Variants in GATA4 observed in about 807,000 individuals in gnomAD.
The protein encoded by GATA4 is GATA binding protein 4.
Under a neutral mutation model 37.9 loss-of-function variants are expected in GATA4, and 7 were observed. The ratio of observed to expected loss-of-function variants is 0.18; its 90% CI spans 0.11 to 0.35. The LOEUF (loss-of-function observed/expected upper bound fraction) is 0.35. Ranked by LOEUF, GATA4 falls within the 10% of genes least tolerant of loss-of-function variation. The pLI, the probability that GATA4 is intolerant of heterozygous loss-of-function variation, is 1.00. For missense variants in GATA4, 647 were observed against 653.0 expected, an observed-to-expected ratio of 0.99 and a Z score of 0.10; for synonymous variants, 372 against 292.6, an observed-to-expected ratio of 1.27 and a Z score of -2.77.
rs770347441 is a variant in GATA4 at position 11,708,296 on chromosome 8, G to A, written c.-17G>A. 30 of 1,573,280 alleles carry A rather than the reference G, an allele frequency of 1.9e-5. No homozygotes were observed. The highest frequency in any genetic ancestry group is 4.0e-5 in the African/African-American group (3 of 74,476). ...GAGGGAGAGAGAGGACACCGAAGCC[G>A]GGAGCTCGCAGGGACCATGTATCAG... On this transcript the variant is annotated 5_prime_UTR_variant, in exon 2 of 7. Coordinates refer to ENST00000532059, the MANE Select transcript of GATA4 (RefSeq NM_001308093.3). The surrounding 1 kb of genome is among the most constrained non-coding windows in gnomAD (Gnocchi z 6.7).
At chr8:11,726,019 T>C (rs781631615) in intron 2 of GATA4, among the ~76,000 whole-genome samples, 13 of 152,228 alleles carry the variant, frequency 8.5e-5, no homozygotes, top group Admixed American at 2.6e-4. Flanking sequence ...ATAGTTCCAC[T>C]AGCCTGGAAG....
rs1800019637 is a variant in GATA4 at position 11,708,753 on chromosome 8, G to A, written c.441G>A (p.Glu147=). 7 of 1,364,910 alleles carry A rather than the reference G, an allele frequency of 5.1e-6. No individual in the cohort carries two copies. Among genetic ancestry groups the A allele is most frequent in the Non-Finnish European group, 6.6e-6 (7 of 1,064,466 alleles). The allele number at this position is 1,364,910 out of a possible 1,614,324, so 84.5% of individuals were successfully genotyped here. ...GAAGAGLAGR[E]QYGRAGFAGS... ...CGGGTGCGGGCCTGGCGGGCCGCGAGCAGTACGGGCGCGCCGGCTTCGCGG... is the reference window on the plus strand; with the variant it reads ...CGGGTGCGGGCCTGGCGGGCCGCGAACAGTACGGGCGCGCCGGCTTCGCGG... Residue 147 remains glutamate, a synonymous_variant, in exon 2 of 7, where the codon GAG becomes GAA. Coordinates refer to ENST00000532059, the MANE Select transcript of GATA4 (RefSeq NM_001308093.3). The surrounding 1 kb of genome is among the most constrained non-coding windows in gnomAD (Gnocchi z 6.7).
At chr8:11,732,636 C>G (rs1243563497) in intron 2 of GATA4, among the ~76,000 whole-genome samples, 2 of 152,158 alleles carry the variant, frequency 1.3e-5, no homozygotes, top group Non-Finnish European at 2.9e-5. Context: ...GAACCCGAGT[C>G]TGGAGGCTAG....
intron 2 of GATA4, among the ~76,000 whole-genome samples, chr8:11,725,667 A>G (rs1290347182): frequency 2.0e-5 from 3 of 152,202 alleles, no homozygotes; most frequent in Non-Finnish European, 4.4e-5. Flanking sequence ...TGGAGGTCAG[A>G]CTTGCTGCTG....
At chr8:11,690,353 A>T (rs76805601), upstream of GATA4, among the ~76,000 whole-genome samples, 2,747 of 152,326 alleles carry the variant, frequency 0.018, 74 homozygotes, top group South Asian at 0.087. Context: ...AAACTTTTTT[A>T]AAAAATGTCT....
chr8:11,733,381 C>G (rs1480439687), intron 2 of GATA4, among the ~76,000 whole-genome samples: 1 of 152,160 alleles, frequency 6.6e-6, no homozygotes, highest in African/African-American at 2.4e-5. Context: ...GGGAACTTGC[C>G]TTATCAGAAA....
chr8:11,734,006 G>A (rs1002972529), intron 2 of GATA4, among the ~76,000 whole-genome samples: 1 of 152,206 alleles, frequency 6.6e-6, no homozygotes, highest in African/African-American at 2.4e-5. Context: ...TCCAATTGAA[G>A]CATACATATA....
At chr8:11,686,262 G>C (rs1368132821) in intron 1 of GATA4, among the ~76,000 whole-genome samples, 1 of 151,096 alleles carries the variant, frequency 6.6e-6, no homozygotes, top group Non-Finnish European at 1.5e-5. Context: ...GTCAACAGAA[G>C]ATAAAAGTAA....
At chr8:11,692,692 G>C (rs1319047874) in intron 1 of GATA4, 1 of 985,040 alleles carries the variant, frequency 1.0e-6, no homozygotes, top group Middle Eastern at 5.2e-4. Context: ...TGAGGGGTGC[G>C]GGGCTGCTCC....
At chr8:11,698,079 C>T (rs1476222503) in intron 1 of GATA4, 17 of 898,620 alleles carry the variant, frequency 1.9e-5, no homozygotes, top group Admixed American at 6.2e-5. Flanking sequence ...CAGGCCCGGC[C>T]GCTTTCTGGC....
At chr8:11,693,560 C>CAGAGAG (rs1285850308) in intron 1 of GATA4, among the ~76,000 whole-genome samples, 113 of 68,910 alleles carry the variant, frequency 1.6e-3, no homozygotes, top group African/African-American at 5.5e-3. Flanking sequence ...CACACACACA[C>CAGAGAG]ACAGAGAGAG....
At chr8:11,731,320 G>T (rs772354531) in intron 2 of GATA4, among the ~76,000 whole-genome samples, 17 of 152,254 alleles carry the variant, frequency 1.1e-4, no homozygotes, top group Non-Finnish European at 1.8e-4. Flanking sequence ...ATATCCAAAA[G>T]GTGGAAGTAG....
intron 2 of GATA4, among the ~76,000 whole-genome samples, chr8:11,733,184 T>C (rs977467249): frequency 6.6e-6 from 1 of 151,840 alleles, no homozygotes; most frequent in African/African-American, 2.4e-5. Flanking sequence ...GATCCTTGGA[T>C]TGGAAAAGTT....
chr8:11,743,176 G>A (rs746362196), intron 2 of GATA4, among the ~76,000 whole-genome samples: 5 of 152,362 alleles, frequency 3.3e-5, no homozygotes, highest in Middle Eastern at 3.4e-3. Context: ...GCCCACTGCC[G>A]TTTGTCATCA....
chr8:11,715,458 C>G (rs950624859), intron 2 of GATA4, among the ~76,000 whole-genome samples: 2 of 152,136 alleles, frequency 1.3e-5, no homozygotes, highest in African/African-American at 2.4e-5. Context: ...GTAAAAATTT[C>G]AAATCATCGG....
intron 1 of GATA4, chr8:11,683,090 C>T (rs1258343317): frequency 6.1e-6 from 6 of 984,200 alleles, no homozygotes; most frequent in Non-Finnish European, 3.6e-6. Flanking sequence ...CCAGCCTTCT[C>T]GCCGGATTGC....
Position 11,708,455 on chromosome 8 carries a change from T to G in GATA4, c.143T>G (p.Val48Gly), listed in dbSNP as rs1272999942. The change falls in exon 2 of 7, where the codon GTG becomes GGG. Residue 48 changes from valine to glycine, a missense_variant. Physicochemically the swap from Val to Gly is moderately radical, Grantham distance 109. Transcript: ENST00000532059. The surrounding 1 kb of genome is among the most constrained non-coding windows in gnomAD (Gnocchi z 6.7). Reference sequence around the variant, plus strand: ...CCCACACCGCGGGTGCCCTCCTCCGTGCTGGGCCTGTCCTACCTCCAGGGC... The same window carrying G: ...CCCACACCGCGGGTGCCCTCCTCCGGGCTGGGCCTGTCCTACCTCCAGGGC... The part of the protein sequence containing the change: ...YVPTPRVPSS[V>G]LGLSYLQGGG... 14 of 1,531,848 alleles carry G rather than the reference T, an allele frequency of 9.1e-6. No homozygotes were observed. The highest frequency in any genetic ancestry group is 1.0e-5 in the Non-Finnish European group (12 of 1,145,226). The allele number at this position is 1,531,848 out of a possible 1,614,324, so 94.9% of individuals were successfully genotyped here.
At chr8:11,685,413 A>G (rs1799104925) in intron 1 of GATA4, among the ~76,000 whole-genome samples, 1 of 152,230 alleles carries the variant, frequency 6.6e-6, no homozygotes, top group African/African-American at 2.4e-5. Context: ...AAGCAGAATA[A>G]ACAAATATTT....
Position 11,757,051 on chromosome 8 carries a change from T to C in GATA4, c.1117T>C (p.Ser373Pro). 2 of 1,614,162 alleles carry C rather than the reference T, an allele frequency of 1.2e-6. No homozygotes were observed. Among genetic ancestry groups the C allele is most frequent in the South Asian group, 2.2e-5 (2 of 91,088 alleles). ...CATCAAGACGGAGCCTGGCCTGTCA[T>C]CTCACTACGGGCACAGCAGCTCCGT... is the stretch of plus-strand genomic sequence containing the variant. Reference protein sequence around the residue: ...RPIKTEPGLSSHYGHSSSVSQ... With the variant: ...RPIKTEPGLSPHYGHSSSVSQ... The change falls in exon 6 of 7, where the codon TCT becomes CCT. Residue 373 changes from serine (S) to proline (P), a missense_variant. Ser to Pro is a moderately conservative substitution (Grantham distance 74, BLOSUM62 -1). Around this residue, in one of 5 missense-constraint regions of GATA4, gnomAD observed 184 missense variants for 157.1 expected, o/e 1.17. Transcript: ENST00000532059.
Sources: gnomAD v4.1 joint callset for allele counts (sites outside exome capture counted in the v4.1 genomes callset) on GRCh38, gnomAD v4.1.1 for gene constraint, gnomAD v4.1.1 regional missense constraint, Gnocchi (gnomAD v3.1) non-coding constraint, MANE v1.5 for transcripts, NCBI Gene and HGNC (gene_info 2026-07-23, HGNC 2026-07-21) for gene names.